The following EXTL3 variants were observed in gnomAD, a reference collection of about 807,000 sequenced individuals.
EXTL3 encodes exostosin like glycosyltransferase 3.
Under a neutral mutation model 69.3 loss-of-function variants are expected in EXTL3, and 27 were observed. That is an observed-to-expected ratio of 0.39 (90% CI 0.29 to 0.54). The LOEUF (loss-of-function observed/expected upper bound fraction) is 0.54. EXTL3 is among the 20% of genes least tolerant of loss of function. EXTL3 has a pLI of 0.69. For synonymous variants in EXTL3, 511 were observed against 499.4 expected, an observed-to-expected ratio of 1.02 and a Z score of -0.31; for missense variants, 1,003 against 1,231.8, an observed-to-expected ratio of 0.81 and a Z score of 2.78.
At chr8:28,665,063 CTTTTTTTTTT>C (rs1222832851) in intron 1 of EXTL3, among the ~76,000 whole-genome samples, 9 of 62,402 alleles carry the variant, frequency 1.4e-4, no homozygotes, top group African/African-American at 4.3e-4. Context: ...TTTTCCTTTA[CTTTTTTTTTT>C]TTTTTTTTTT....
At chr8:28,658,203 TG>T (rs11344325) in intron 1 of EXTL3, among the ~76,000 whole-genome samples, 48,185 of 151,726 alleles carry the variant, frequency 0.32, 8,407 homozygotes, top group African/African-American at 0.46. Flanking sequence ...GGACGGTGGG[TG>T]GGGGGGGTCC....
At chr8:28,688,551 T>C (rs974342425) in intron 1 of EXTL3, among the ~76,000 whole-genome samples, 1 of 151,978 alleles carries the variant, frequency 6.6e-6, no homozygotes, top group Non-Finnish European at 1.5e-5. Flanking sequence ...GTGGAGAGAG[T>C]ATAGAGAGGT....
rs1359783207 is a variant in EXTL3 at position 28,754,936 on chromosome 8, AGAAAG to A, written c.*4073_*4077del. 1.3e-5 allele frequency: 2 copies of A among 152,254 alleles called. No individual in the cohort carries two copies. Among genetic ancestry groups the A allele is most frequent in the Non-Finnish European group, 2.9e-5 (2 of 68,088 alleles). 9.4% of individuals were successfully genotyped at this position (152,254 alleles called of 1,614,324 possible). A position where few individuals can be genotyped will look rare whatever the true frequency, so the allele number is the denominator to read the frequency against. On this transcript the variant is annotated 3_prime_UTR_variant, in exon 7 of 7. Coordinates refer to ENST00000220562, the MANE Select transcript of EXTL3 (RefSeq NM_001440.4). ...GAATGTTATGAAGATACTGAAAAGA[AGAAAG>A]GAGAATGTAGTGGGTAAAGGTCTGG...
chr8:28,647,360 C>A (rs1048618032), intron 1 of EXTL3, among the ~76,000 whole-genome samples: 5 of 152,174 alleles, frequency 3.3e-5, no homozygotes, highest in Non-Finnish European at 7.3e-5. Context: ...CTGCCTCGGC[C>A]TCCCAAAGTG....
At chr8:28,646,376 G>C (rs1434871329) in intron 1 of EXTL3, among the ~76,000 whole-genome samples, 1 of 152,164 alleles carries the variant, frequency 6.6e-6, no homozygotes, top group Non-Finnish European at 1.5e-5. Flanking sequence ...TGTTAAGTTA[G>C]AGCCTTGTGA....
rs1306592974 is a variant in EXTL3, at chr8:28,623,656, C to T, written c.-53+846C>T. ...CGTGTGTCTTTTGATCCTTATCCCC[C>T]ATGTAACATAATTCATGTTTTTAAA... is the stretch of plus-strand genomic sequence containing the variant. On this transcript the variant is annotated intron_variant, in intron 1 of 6. Coordinates refer to the EXTL3 transcript ENST00000523149. This position sits in a 1 kb window ranked among gnomAD's most constrained non-coding sequence, Gnocchi z 4.2. 6.6e-6 allele frequency among the ~76,000 whole-genome samples: 1 copy of T among 152,182 alleles called. No individual in the cohort carries two copies. The highest frequency in any genetic ancestry group is 1.5e-5 in the Non-Finnish European group (1 of 68,044).
intron 5 of EXTL3, among the ~76,000 whole-genome samples, chr8:28,738,682 ATTAGCCT>A (rs1801707510): frequency 6.6e-6 from 1 of 152,176 alleles, no homozygotes; most frequent in South Asian, 2.1e-4. Context: ...CAGTGCTCCC[ATTAGCCT>A]TTTCCTGTAG....
At chr8:28,659,856 C>T (rs1429919221) in intron 1 of EXTL3, among the ~76,000 whole-genome samples, 1 of 152,116 alleles carries the variant, frequency 6.6e-6, no homozygotes, top group Non-Finnish European at 1.5e-5. Flanking sequence ...GTCTCAGTTG[C>T]CACTGTACTG....
At chr8:28,646,950 A>T (rs913070707) in intron 1 of EXTL3, among the ~76,000 whole-genome samples, 2 of 152,164 alleles carry the variant, frequency 1.3e-5, no homozygotes, top group African/African-American at 4.8e-5. Flanking sequence ...AGTGAATCTT[A>T]CTGTGGGCCA....
intron 6 of EXTL3, among the ~76,000 whole-genome samples, chr8:28,744,835 C>T (rs560318834): frequency 1.4e-4 from 21 of 149,596 alleles, no homozygotes; most frequent in East Asian, 2.0e-4. Context: ...CAGTAGCATG[C>T]GCCTGTAATC....
intron 1 of EXTL3, among the ~76,000 whole-genome samples, chr8:28,681,252 C>T (rs986265905): frequency 2.0e-5 from 3 of 151,784 alleles, no homozygotes; most frequent in African/African-American, 2.4e-5. Flanking sequence ...CACTGGCTCA[C>T]GCCTGTAATC....
chr8:28,652,997 C>T (rs1212990961), intron 1 of EXTL3, among the ~76,000 whole-genome samples: 1 of 152,144 alleles, frequency 6.6e-6, no homozygotes, highest in East Asian at 1.9e-4. Flanking sequence ...ACATCTAATA[C>T]AATTGATTAA....
chr8:28,747,172 T>C (rs1241696342), intron 6 of EXTL3, among the ~76,000 whole-genome samples: 1 of 152,234 alleles, frequency 6.6e-6, no homozygotes, highest in African/African-American at 2.4e-5. Context: ...CATGGAATAC[T>C]GGACATAGAT....
At chr8:28,660,838 C>CTTTTTTTTTTTTT (rs58151386) in intron 1 of EXTL3, among the ~76,000 whole-genome samples, 8 of 46,970 alleles carry the variant, frequency 1.7e-4, no homozygotes, top group East Asian at 8.7e-4. Flanking sequence ...CGATTTTTGG[C>CTTTTTTTTTTTTT]TTTTTTTTTT....
chr8:28,613,787 T>C (rs1273457456), intron 2 of EXTL3, among the ~76,000 whole-genome samples: 1 of 152,186 alleles, frequency 6.6e-6, no homozygotes, highest in African/African-American at 2.4e-5. Context: ...ATCCTTTTAA[T>C]GCCATAGGAT....
upstream of EXTL3, among the ~76,000 whole-genome samples, chr8:28,618,222 T>A (rs567175127): frequency 7.9e-5 from 12 of 152,126 alleles, no homozygotes; most frequent in South Asian, 2.5e-3. Context: ...TCCCAGGTAC[T>A]TTGGGAGGCA....
rs998776088 is a variant in EXTL3, at chr8:28,753,332, C to T, written c.*2466C>T. ...GCCGCCCCTGGCCACCTTGTCCTGGCTCGCAGGGTGCAGGAGCGCCTCGTT... is the reference window on the plus strand; with the variant it reads ...GCCGCCCCTGGCCACCTTGTCCTGGTTCGCAGGGTGCAGGAGCGCCTCGTT... On this transcript the variant is annotated 3_prime_UTR_variant, in exon 7 of 7. Coordinates refer to ENST00000220562, the MANE Select transcript of EXTL3 (RefSeq NM_001440.4). 2.6e-5 allele frequency: 4 copies of T among 152,298 alleles called. No individual in the cohort carries two copies. Among genetic ancestry groups the T allele is most frequent in the Admixed American group, 6.5e-5 (1 of 15,286 alleles). 9.4% of individuals were successfully genotyped at this position (152,298 alleles called of 1,614,324 possible). A position where few individuals can be genotyped will look rare whatever the true frequency, so the allele number is the denominator to read the frequency against.
At chr8:28,688,052 AGAGAT>A (rs1213301202) in intron 1 of EXTL3, among the ~76,000 whole-genome samples, 1 of 150,008 alleles carries the variant, frequency 6.7e-6, no homozygotes, top group African/African-American at 2.5e-5. Flanking sequence ...ACAGTAGAGA[AGAGAT>A]GACTTTTTTT....
At chr8:28,609,901 TA>T (rs35274445) in intron 2 of EXTL3, among the ~76,000 whole-genome samples, 32,230 of 122,098 alleles carry the variant, frequency 0.26, 4,302 homozygotes, top group African/African-American at 0.38. Flanking sequence ...AAAAAATAAT[TA>T]AAAAAAAAAA....
Sources: allele counts gnomAD v4.1 joint callset (sites outside exome capture counted in the v4.1 genomes callset), GRCh38; gene constraint gnomAD v4.1.1; non-coding constraint Gnocchi (gnomAD v3.1); transcripts MANE v1.5; gene names NCBI Gene and HGNC (gene_info 2026-07-23, HGNC 2026-07-21).